The following PIK3CB variants were observed in gnomAD, a reference collection of about 807,000 sequenced individuals.
PIK3CB encodes phosphatidylinositol 4,5-bisphosphate 3-kinase catalytic subunit beta isoform.
A neutral mutation model predicts 136.8 loss-of-function variants in PIK3CB; 39 were observed. That is an observed-to-expected ratio of 0.29 (90% CI 0.22 to 0.37). The LOEUF (loss-of-function observed/expected upper bound fraction) is 0.37. PIK3CB is among the 10% of genes least tolerant of loss of function. The pLI is 1.00. For synonymous variants in PIK3CB, 428 were observed against 436.6 expected, an observed-to-expected ratio of 0.98 and a Z score of 0.25; for missense variants, 868 against 1,275.4, an observed-to-expected ratio of 0.68 and a Z score of 4.87.
chr3:138,722,166 T>C (rs1380738418), intron 8 of PIK3CB, among the ~76,000 whole-genome samples: 1 of 149,714 alleles, frequency 6.7e-6, no homozygotes, highest in Non-Finnish European at 1.5e-5. Flanking sequence ...GTCAATTAAC[T>C]ATCCTCTATT....
chr3:138,693,955 ATATATATATAT>A lies in PIK3CB; in HGVS notation c.1892+820_1892+830del, dbSNP rs200242129. On this transcript the variant is annotated intron_variant, in intron 14 of 23. Coordinates refer to ENST00000674063, the MANE Select transcript of PIK3CB (RefSeq NM_006219.3). ...GCTTAAAATATATATATATATATATATATATATATATTATATATATATATATATATATATAT... is the reference window on the plus strand; with the variant it reads ...GCTTAAAATATATATATATATATATATATATATATATATATATATATATAT... Among the ~76,000 whole-genome samples the A allele has an allele frequency of 0.022, 831 of 37,124 alleles. 38 individuals carry two copies. In the East Asian group the frequency reaches 0.27, roughly 12 times the overall value. 24.4% of individuals were successfully genotyped at this position (37,124 alleles called of 152,430 possible).
chr3:138,738,755 T>C (rs1303556148), intron 5 of PIK3CB, among the ~76,000 whole-genome samples: 1 of 152,176 alleles, frequency 6.6e-6, no homozygotes, highest in Non-Finnish European at 1.5e-5. Flanking sequence ...TATATGATCA[T>C]ATACTAAAGA....
At chr3:138,682,670 G>A (rs181767854) in intron 18 of PIK3CB, among the ~76,000 whole-genome samples, 1 of 152,296 alleles carries the variant, frequency 6.6e-6, no homozygotes, top group East Asian at 1.9e-4. Flanking sequence ...AGGGAAGAGA[G>A]CACATGAAAC....
At chr3:138,708,263 C>CTTTT (rs61178842) in intron 10 of PIK3CB, among the ~76,000 whole-genome samples, 6 of 108,882 alleles carry the variant, frequency 5.5e-5, no homozygotes, top group East Asian at 3.5e-4. Context: ...TTTTCTTTTT[C>CTTTT]TTTTTTTTTT....
rs1040774980 is a variant in PIK3CB, at chr3:138,667,600, C to T, written c.2505-2397G>A. Among the ~76,000 whole-genome samples, 10 of 151,172 alleles carry T rather than the reference C, an allele frequency of 6.6e-5. 1 individual carries two copies. Among genetic ancestry groups the T allele is most frequent in the Non-Finnish European group, 2.9e-5 (2 of 67,834 alleles). ...TTTTTGAGACAGAGTCTCGCTCTGT[C>T]GCCCAGGCTGGAGTGCAGTGGCGCA... On this transcript the variant is annotated intron_variant, in intron 19 of 23. Transcript: ENST00000674063.
intron 16 of PIK3CB, among the ~76,000 whole-genome samples, chr3:138,687,187 G>C (rs1211690171): frequency 6.6e-6 from 1 of 150,666 alleles, no homozygotes; most frequent in African/African-American, 2.5e-5. Flanking sequence ...AACAAGAACA[G>C]CTATGTACAG....
intron 8 of PIK3CB, among the ~76,000 whole-genome samples, chr3:138,724,812 C>T (rs890285864): frequency 4.5e-4 from 69 of 152,116 alleles, no homozygotes; most frequent in African/African-American, 1.6e-3. Context: ...ACGGCGGAGA[C>T]CAAATGTATA....
At chr3:138,688,160 G>T (rs191606655) in intron 16 of PIK3CB, among the ~76,000 whole-genome samples, 41 of 152,216 alleles carry the variant, frequency 2.7e-4, no homozygotes, top group African/African-American at 9.4e-4. Context: ...CAATGCAAAT[G>T]AATTAGAAAA....
intron 1 of PIK3CB, among the ~76,000 whole-genome samples, chr3:138,829,086 G>C (rs1933915797): frequency 1.3e-5 from 2 of 151,708 alleles, no homozygotes; most frequent in Admixed American, 1.3e-4. Context: ...ACAAGCGTGA[G>C]CCTCCGTGTC....
chr3:138,663,097 G>T (rs550996344), intron 21 of PIK3CB, among the ~76,000 whole-genome samples: 1 of 152,004 alleles, frequency 6.6e-6, no homozygotes, highest in African/African-American at 2.4e-5. Flanking sequence ...CACAGCAAAA[G>T]AAACTACCAT....
chr3:138,656,228 C>G lies in PIK3CB; in HGVS notation c.2989G>C (p.Gly997Arg). 6.2e-7 allele frequency: 1 copy of G among 1,614,160 alleles called. No homozygotes were observed. Among genetic ancestry groups the G allele is most frequent in the Non-Finnish European group, 8.5e-7 (1 of 1,180,018 alleles). Residue 997 changes from glycine to arginine, a missense_variant, in exon 23 of 24, where the codon GGG (glycine) becomes CGG (arginine). Around this residue, in one of 4 missense-constraint regions of PIK3CB, gnomAD observed 88 missense variants for 147.8 expected, o/e 0.60. Transcript: ENST00000674063. ...EDAYLILRRH[G>R]NLFITLFALM... ...GCAAAGAGAGTGATGAAGAGATTCC[C>G]ATGCCGTCGTAAAATCAGATATGCA... is the stretch of plus-strand genomic sequence containing the variant.
chr3:138,789,391 G>A (rs1285943618), intron 2 of PIK3CB, among the ~76,000 whole-genome samples: 4 of 152,128 alleles, frequency 2.6e-5, no homozygotes, highest in African/African-American at 4.8e-5. Context: ...CACAGGAGGT[G>A]GAGGTTGCAG....
At position 138,661,845 on chromosome 3, in the gene PIK3CB, G is replaced by C. The variant is rs189071069; in HGVS notation, c.2796+2061C>G. Among the ~76,000 whole-genome samples, 34 of 152,216 alleles carry C rather than the reference G, an allele frequency of 2.2e-4. No homozygotes were observed. In the East Asian group the frequency reaches 6.2e-3, roughly 28 times the overall value. On this transcript the variant is annotated intron_variant, in intron 21 of 23. Coordinates refer to ENST00000674063, the MANE Select transcript of PIK3CB (RefSeq NM_006219.3). The stretch of plus-strand genomic sequence containing the variant: ...CTCTAATGTGGGAATTCCTAGGGGG[G>C]CTAAACTGAAAAATTATCTAAGATA...
intron 8 of PIK3CB, among the ~76,000 whole-genome samples, chr3:138,720,795 G>C (rs1282276181): frequency 6.6e-6 from 1 of 152,148 alleles, no homozygotes; most frequent in Non-Finnish European, 1.5e-5. Flanking sequence ...CTGAGCCCTA[G>C]AGGCATAGGT....
intron 1 of PIK3CB, among the ~76,000 whole-genome samples, chr3:138,817,205 G>A (rs1576430490): frequency 6.6e-6 from 1 of 152,352 alleles, no homozygotes; most frequent in East Asian, 1.9e-4. Flanking sequence ...GGGCGAGGTG[G>A]TGGGCGCCTG....
chr3:138,831,755 T>C (rs969228720), intron 1 of PIK3CB, among the ~76,000 whole-genome samples: 1 of 152,092 alleles, frequency 6.6e-6, no homozygotes, highest in Non-Finnish European at 1.5e-5. Flanking sequence ...TGAAACCCCA[T>C]GTTTACTAAA....
At chr3:138,765,707 CATGGGACT>C (rs2045724338) in intron 2 of PIK3CB, among the ~76,000 whole-genome samples, 1 of 149,648 alleles carries the variant, frequency 6.7e-6, no homozygotes, top group Admixed American at 6.7e-5. Flanking sequence ...ATTAGCTGTG[CATGGGACT>C]ACATGGCACA....
At chr3:138,656,828 T>C (rs1045192170) in intron 22 of PIK3CB, among the ~76,000 whole-genome samples, 1 of 152,122 alleles carries the variant, frequency 6.6e-6, no homozygotes, top group Non-Finnish European at 1.5e-5. Context: ...TGGAGTGCAG[T>C]GGCGTGATCT....
chr3:138,747,056 A>T (rs1370306565), intron 4 of PIK3CB, among the ~76,000 whole-genome samples: 17 of 910 alleles, frequency 0.019, no homozygotes, highest in African/African-American at 0.046. Flanking sequence ...TTCAGCCTTT[A>T]TATATATATA....
Sources: gnomAD v4.1 joint callset for allele counts (sites outside exome capture counted in the v4.1 genomes callset) on GRCh38, gnomAD v4.1.1 for gene constraint, gnomAD v4.1.1 regional missense constraint, MANE v1.5 for transcripts, NCBI Gene and HGNC (gene_info 2026-07-23, HGNC 2026-07-21) for gene names.